LYRM4: variants seen among roughly 807,000 people sequenced by gnomAD.
LYRM4 encodes LYR motif-containing protein 4.
A neutral mutation model predicts 11.7 loss-of-function variants in LYRM4; 9 were observed. The observed-to-expected ratio is 0.77, with a 90% CI of 0.46 to 1.34. LYRM4 has a LOEUF of 1.34. LYRM4 is among the 40% of genes most tolerant of loss of function. The probability of loss-of-function intolerance (pLI) is 0.00; values close to 1 mark genes in which losing one functional copy is unlikely to be tolerated. For synonymous variants in LYRM4, 42 were observed against 40.4 expected, an observed-to-expected ratio of 1.04 and a Z score of -0.15; for missense variants, 133 against 112.5, an observed-to-expected ratio of 1.18 and a Z score of -0.82.
At chr6:5,047,157 C>T in the LYRM4 span, among the ~76,000 whole-genome samples, 13 of 152,244 alleles carry the variant, frequency 8.5e-5, no homozygotes, top group East Asian at 1.5e-3. Flanking sequence ...GTCACAGATT[C>T]AGGAAGGTAT....
intron 2 of LYRM4, among the ~76,000 whole-genome samples, chr6:5,134,289 C>A (rs561924958): frequency 1.3e-5 from 2 of 152,088 alleles, no homozygotes; most frequent in South Asian, 2.1e-4. Flanking sequence ...AGCAAGAAAA[C>A]CAAGATAAAA....
the LYRM4 span, among the ~76,000 whole-genome samples, chr6:5,047,790 T>A: frequency 1.3e-5 from 2 of 152,338 alleles, no homozygotes; most frequent in South Asian, 4.1e-4. Context: ...AATACGGTAT[T>A]AGTGTTAATA....
At chr6:5,259,419 G>A (rs1435404248) in intron 1 of LYRM4, among the ~76,000 whole-genome samples, 1 of 152,110 alleles carries the variant, frequency 6.6e-6, no homozygotes, top group East Asian at 1.9e-4. Context: ...ATTCTCTCCC[G>A]TGAAATTTAA....
chr6:5,222,907 A>G (rs866037023), intron 1 of LYRM4, among the ~76,000 whole-genome samples: 4 of 152,162 alleles, frequency 2.6e-5, no homozygotes, highest in Admixed American at 1.3e-4. Flanking sequence ...AATATGTAAG[A>G]AAAAAATTAA....
intron 2 of LYRM4, 110 bp downstream of exon 2, chr6:5,216,508 G>A: frequency 8.1e-7 from 1 of 1,241,508 alleles, no homozygotes; most frequent in African/African-American, 1.5e-5. Flanking sequence ...AGAGTTTCAT[G>A]ATCCTGCTCT....
intron 2 of LYRM4, among the ~76,000 whole-genome samples, chr6:5,155,175 G>A (rs1758338787): frequency 2.0e-5 from 3 of 152,086 alleles, no homozygotes; most frequent in South Asian, 2.1e-4. Context: ...TCTGTCTCCC[G>A]GGTTCAAGCA....
At chr6:5,142,083 A>G (rs1306199763) in intron 2 of LYRM4, among the ~76,000 whole-genome samples, 3 of 152,078 alleles carry the variant, frequency 2.0e-5, no homozygotes, top group Non-Finnish European at 2.9e-5. Context: ...TTTTCCAATG[A>G]TTGTATTACA....
intron 2 of LYRM4, among the ~76,000 whole-genome samples, chr6:5,184,558 A>G (rs189300205): frequency 3.9e-5 from 6 of 152,356 alleles, no homozygotes; most frequent in African/African-American, 1.2e-4. Context: ...ACATTTTAAT[A>G]AATTAATTTA....
intron 2 of LYRM4, among the ~76,000 whole-genome samples, chr6:5,128,375 T>C (rs1185365429): frequency 1.3e-5 from 2 of 152,212 alleles, no homozygotes; most frequent in Non-Finnish European, 1.5e-5. Context: ...AAGAATGCCC[T>C]GTGGCCTCGT....
At chr6:5,167,594 T>C (rs948141231) in intron 2 of LYRM4, among the ~76,000 whole-genome samples, 1 of 152,244 alleles carries the variant, frequency 6.6e-6, no homozygotes, top group African/African-American at 2.4e-5. Flanking sequence ...CCCTGTCCGA[T>C]GAATGTTCTT....
intron 2 of LYRM4, among the ~76,000 whole-genome samples, chr6:5,122,028 C>A (rs956301298): frequency 6.6e-6 from 1 of 152,124 alleles, no homozygotes; most frequent in Non-Finnish European, 1.5e-5. Context: ...CACCTTTTTT[C>A]AAAGTCGACT....
intron 2 of LYRM4, among the ~76,000 whole-genome samples, chr6:5,187,609 TTGGGGGC>T (rs1237824637): frequency 6.6e-6 from 1 of 150,476 alleles, no homozygotes; most frequent in African/African-American, 2.5e-5. Context: ...TGTCGGGGGG[TTGGGGGC>T]TGGGGGAGGG....
chr6:5,243,299 C>T (rs1763996185), intron 1 of LYRM4, among the ~76,000 whole-genome samples: 1 of 152,220 alleles, frequency 6.6e-6, no homozygotes. Flanking sequence ...GGGGTTCTAA[C>T]CTGCTGGCCA....
the LYRM4 span, among the ~76,000 whole-genome samples, chr6:5,078,991 G>A: frequency 6.6e-6 from 1 of 152,118 alleles, no homozygotes. Context: ...GAGAGGAAAG[G>A]CTTTTCCTCT....
chr6:5,193,301 C>A (rs558522585), intron 2 of LYRM4, among the ~76,000 whole-genome samples: 45 of 150,968 alleles, frequency 3.0e-4, no homozygotes, highest in Middle Eastern at 3.4e-3. Context: ...TAAAAAAAAA[C>A]CAGAAAACAA....
the LYRM4 span, among the ~76,000 whole-genome samples, chr6:5,067,477 G>A: frequency 4.6e-5 from 7 of 152,336 alleles, no homozygotes; most frequent in East Asian, 3.9e-4. Flanking sequence ...TGGCTCTGAA[G>A]GGCTGCTTGA....
intron 2 of LYRM4, chr6:5,136,706 G>A (rs542560638): frequency 1.0e-6 from 1 of 985,404 alleles, no homozygotes; most frequent in East Asian, 1.1e-4. Flanking sequence ...CACAGTCTGT[G>A]GTAATGACAT....
At chr6:5,080,535 C>G in the LYRM4 span, among the ~76,000 whole-genome samples, 1 of 152,128 alleles carries the variant, frequency 6.6e-6, no homozygotes, top group East Asian at 1.9e-4. Flanking sequence ...GGTTTTTGGT[C>G]TACTCATTCA....
chr6:5,084,301 C>G, the LYRM4 span, among the ~76,000 whole-genome samples: 1 of 152,246 alleles, frequency 6.6e-6, no homozygotes, highest in Non-Finnish European at 1.5e-5. Context: ...TTCCCCACCC[C>G]TCCCCGGCCT....
Sources: allele counts gnomAD v4.1 joint callset (sites outside exome capture counted in the v4.1 genomes callset), GRCh38; gene constraint gnomAD v4.1.1; transcripts MANE v1.5; gene names NCBI Gene and HGNC (gene_info 2026-07-23, HGNC 2026-07-21).